Variants in CCDC112 observed in about 807,000 individuals in gnomAD.
CCDC112 encodes the protein coiled-coil domain-containing protein 112.
Under a neutral mutation model 66.3 loss-of-function variants are expected in CCDC112, and 40 were observed. The ratio of observed to expected loss-of-function variants is 0.60; its 90% CI spans 0.47 to 0.79. The LOEUF (loss-of-function observed/expected upper bound fraction) is 0.79, where lower values mean the gene tolerates loss of function less well. CCDC112 is among the 30% of genes least tolerant of loss of function. CCDC112 has a pLI of 0.00. For missense variants in CCDC112, 659 were observed against 603.8 expected, an observed-to-expected ratio of 1.09 and a Z score of -0.96; for synonymous variants, 214 against 197.2, an observed-to-expected ratio of 1.09 and a Z score of -0.71.
At chr5:115,274,989 C>T (rs550601298) in intron 6 of CCDC112, among the ~76,000 whole-genome samples, 2 of 152,234 alleles carry the variant, frequency 1.3e-5, no homozygotes, top group South Asian at 2.1e-4. Flanking sequence ...GTGATCCATC[C>T]GCCTTAACCT....
At chr5:115,287,696 C>CA (rs1749733844) in intron 1 of CCDC112, among the ~76,000 whole-genome samples, 1 of 84,740 alleles carries the variant, frequency 1.2e-5, no homozygotes, top group Non-Finnish European at 2.1e-5. Flanking sequence ...ATCCCCTTTC[C>CA]TTTTTTTTTT....
At chr5:115,296,319 G>A in intron 1 of CCDC112, 108 bp downstream of exon 1, 1 of 1,351,078 alleles carries the variant, frequency 7.4e-7, no homozygotes, top group African/African-American at 1.5e-5. Context: ...CCCGAGCAGG[G>A]GAGGCGAACG....
chr5:115,294,472 G>C (rs1022271457), intron 1 of CCDC112, among the ~76,000 whole-genome samples: 13 of 152,190 alleles, frequency 8.5e-5, no homozygotes, highest in African/African-American at 3.1e-4. Context: ...GGCCTCACCA[G>C]AAACCAACCC....
intron 6 of CCDC112, among the ~76,000 whole-genome samples, chr5:115,274,775 G>A (rs953499465): frequency 6.6e-6 from 1 of 152,006 alleles, no homozygotes; most frequent in African/African-American, 2.4e-5. Flanking sequence ...TTGAGACTAG[G>A]TCTCGCTCAG....
intron 1 of CCDC112, among the ~76,000 whole-genome samples, chr5:115,292,347 T>G (rs771348436): frequency 6.6e-6 from 1 of 151,322 alleles, no homozygotes; most frequent in East Asian, 1.9e-4. Context: ...TTCTACTTGA[T>G]TCTTTTTTAA....
At chr5:115,288,605 T>C (rs1240776558) in intron 1 of CCDC112, among the ~76,000 whole-genome samples, 1 of 152,212 alleles carries the variant, frequency 6.6e-6, no homozygotes, top group African/African-American at 2.4e-5. Flanking sequence ...GGAATGGAAG[T>C]AATTTAAAAT....
Position 115,296,605 on chromosome 5 carries a change from GCA to G in CCDC112, c.-64_-63del. The G allele has an allele frequency of 7.1e-7, 1 of 1,401,798 alleles. No individual in the cohort carries two copies. Among genetic ancestry groups the G allele is most frequent in the South Asian group, 1.6e-5 (1 of 63,248 alleles). 86.8% of individuals were successfully genotyped at this position (1,401,798 alleles called of 1,614,324 possible). On this transcript the variant is annotated 5_prime_UTR_variant, in exon 1 of 10. Transcript: ENST00000379611. ...CGGTGCCTGGGGATTCGTGGCAGGC[GCA>G]CCCTGGCCTCTGCAGACAGCTCCCT... is the stretch of plus-strand genomic sequence containing the variant.
intron 7 of CCDC112, 69 bp downstream of exon 7, chr5:115,271,144 T>C: frequency 7.0e-7 from 1 of 1,431,972 alleles, no homozygotes; most frequent in East Asian, 2.3e-5. Flanking sequence ...AATTTTTGCT[T>C]AACTGAATTT....
At chr5:115,295,316 AG>A (rs1750103059) in intron 1 of CCDC112, among the ~76,000 whole-genome samples, 1 of 152,238 alleles carries the variant, frequency 6.6e-6, no homozygotes, top group Non-Finnish European at 1.5e-5. Context: ...TGATGGAGAA[AG>A]CCAGCAACAT....
intron 6 of CCDC112, among the ~76,000 whole-genome samples, chr5:115,272,102 T>A (rs560981206): frequency 6.6e-6 from 1 of 152,048 alleles, no homozygotes; most frequent in East Asian, 1.9e-4. Flanking sequence ...TTTTTTTGTA[T>A]TTTTAGTATA....
At chr5:115,272,414 G>A (rs1580795104) in intron 6 of CCDC112, among the ~76,000 whole-genome samples, 1 of 152,132 alleles carries the variant, frequency 6.6e-6, no homozygotes. Flanking sequence ...CCAAATCCTG[G>A]CAGTGCCATT....
At chr5:115,273,918 C>T (rs1209393049) in intron 6 of CCDC112, among the ~76,000 whole-genome samples, 1 of 152,124 alleles carries the variant, frequency 6.6e-6, no homozygotes, top group African/African-American at 2.4e-5. Flanking sequence ...GTCAATTTCC[C>T]TACATTCAAT....
chr5:115,287,316 A>G (rs768226442), intron 1 of CCDC112, among the ~76,000 whole-genome samples: 44 of 152,136 alleles, frequency 2.9e-4, no homozygotes, highest in Non-Finnish European at 4.9e-4. Flanking sequence ...CTTATTGGCC[A>G]CTTCTTTTAA....
chr5:115,286,748 T>C (rs529378339), intron 1 of CCDC112, among the ~76,000 whole-genome samples: 66 of 151,712 alleles, frequency 4.4e-4, no homozygotes, highest in Middle Eastern at 6.8e-3. Context: ...CCTGTCTGTA[T>C]AAAAACTTAA....
chr5:115,284,757 G>A (rs1749604076), intron 2 of CCDC112, 30 bp downstream of exon 2: 1 of 1,536,110 alleles, frequency 6.5e-7, no homozygotes. Flanking sequence ...GGCTAGTAAT[G>A]TTATTTGAAG....
chr5:115,291,482 T>A (rs1163779307), intron 1 of CCDC112, among the ~76,000 whole-genome samples: 2 of 152,182 alleles, frequency 1.3e-5, no homozygotes, highest in East Asian at 3.8e-4. Context: ...ATCAGGGTAA[T>A]AATGGCCTTA....
At chr5:115,274,898 G>C (rs1456906958) in intron 6 of CCDC112, among the ~76,000 whole-genome samples, 1 of 152,080 alleles carries the variant, frequency 6.6e-6, no homozygotes, top group Non-Finnish European at 1.5e-5. Context: ...GTGGCACCAT[G>C]CCCAGCTAAT....
chr5:115,273,324 A>G (rs1749080596), intron 6 of CCDC112, among the ~76,000 whole-genome samples: 1 of 152,218 alleles, frequency 6.6e-6, no homozygotes, highest in Non-Finnish European at 1.5e-5. Flanking sequence ...TGTCAGAATA[A>G]TATCTTCACT....
intron 6 of CCDC112, among the ~76,000 whole-genome samples, chr5:115,272,773 A>G (rs958455946): frequency 3.3e-5 from 5 of 152,192 alleles, no homozygotes; most frequent in African/African-American, 4.8e-5. Context: ...TATGGTATGT[A>G]TATATACTAT....
Sources: allele counts gnomAD v4.1 joint callset (sites outside exome capture counted in the v4.1 genomes callset), GRCh38; gene constraint gnomAD v4.1.1; transcripts MANE v1.5; gene names NCBI Gene and HGNC (gene_info 2026-07-23, HGNC 2026-07-21).